BTRC: variants seen among roughly 807,000 people sequenced by gnomAD.
The protein encoded by BTRC is F-box/WD repeat-containing protein 1A.
Under a neutral mutation model 85.5 loss-of-function variants are expected in BTRC, and 42 were observed. That is an observed-to-expected ratio of 0.49 (90% CI 0.38 to 0.64). The LOEUF is 0.64. Ranked by LOEUF, BTRC falls within the 30% of genes least tolerant of loss-of-function variation. The pLI is 0.00. For synonymous variants in BTRC, 255 were observed against 263.3 expected (o/e 0.97, Z 0.30); for missense variants, 594 against 743.5 (o/e 0.80, Z 2.34).
At chr10:101,465,074 A>G (rs1437969657) in intron 3 of BTRC, among the ~76,000 whole-genome samples, 1 of 152,186 alleles carries the variant, frequency 6.6e-6, no homozygotes, top group African/African-American at 2.4e-5. Context: ...TATGACAATA[A>G]TGAAGTGCCA....
chr10:101,472,460 C>A (rs1945558202), intron 3 of BTRC, among the ~76,000 whole-genome samples: 1 of 152,008 alleles, frequency 6.6e-6, no homozygotes, highest in African/African-American at 2.4e-5. Flanking sequence ...ATGAGCCACC[C>A]CACCCCTTTC....
At chr10:101,530,505 A>G (rs996797654) in intron 6 of BTRC, among the ~76,000 whole-genome samples, 1 of 152,170 alleles carries the variant, frequency 6.6e-6, no homozygotes, top group Admixed American at 6.5e-5. Flanking sequence ...GGAAAAAAAA[A>G]AAAACCTATA....
chr10:101,417,662 T>G (rs1408509496), intron 1 of BTRC, among the ~76,000 whole-genome samples: 2 of 152,176 alleles, frequency 1.3e-5, no homozygotes, highest in African/African-American at 4.8e-5. Flanking sequence ...TTATCAAACT[T>G]ACAGTTTATA....
chr10:101,540,642 T>G (rs1052380251), intron 13 of BTRC, among the ~76,000 whole-genome samples: 2 of 152,164 alleles, frequency 1.3e-5, no homozygotes, highest in Non-Finnish European at 2.9e-5. Context: ...ACCAAAAAAG[T>G]CTGCTGGGAA....
chr10:101,362,147 G>A (rs1304843352), intron 1 of BTRC, among the ~76,000 whole-genome samples: 1 of 151,608 alleles, frequency 6.6e-6, no homozygotes, highest in South Asian at 2.1e-4. Flanking sequence ...TTTTAGTAGG[G>A]ATGGGGTTTC....
intron 5 of BTRC, among the ~76,000 whole-genome samples, chr10:101,524,038 C>G (rs138671088): frequency 1.3e-5 from 2 of 152,128 alleles, no homozygotes; most frequent in Non-Finnish European, 2.9e-5. Flanking sequence ...TATACCAGCT[C>G]ATAGCCTCCC....
intron 1 of BTRC, among the ~76,000 whole-genome samples, chr10:101,374,503 ATCATCAT>A (rs1942733303): frequency 6.7e-6 from 1 of 149,626 alleles, no homozygotes; most frequent in Admixed American, 6.7e-5. Flanking sequence ...GAAATTGGAA[ATCATCAT>A]TCTCAGTAAA....
intron 1 of BTRC, among the ~76,000 whole-genome samples, chr10:101,359,327 T>A (rs1243535514): frequency 6.6e-6 from 1 of 152,244 alleles, no homozygotes; most frequent in Non-Finnish European, 1.5e-5. Flanking sequence ...GTGTATACTT[T>A]ACCTATTCCC....
intron 3 of BTRC, among the ~76,000 whole-genome samples, chr10:101,468,375 C>T (rs1485249484): frequency 1.3e-5 from 2 of 150,678 alleles, no homozygotes; most frequent in Admixed American, 1.3e-4. Context: ...AGTGCTTACT[C>T]TGGATGTACC....
At chr10:101,379,948 G>C (rs1193118015) in intron 1 of BTRC, among the ~76,000 whole-genome samples, 3 of 152,064 alleles carry the variant, frequency 2.0e-5, no homozygotes, top group Non-Finnish European at 2.9e-5. Flanking sequence ...TGTTTTCAAA[G>C]GTATTTAAGA....
chr10:101,373,348 A>G (rs1590214988), intron 1 of BTRC, among the ~76,000 whole-genome samples: 2 of 152,332 alleles, frequency 1.3e-5, no homozygotes, highest in East Asian at 3.9e-4. Context: ...TAGTCTACGC[A>G]AGAGACTGGG....
chr10:101,555,250 A>G lies in BTRC; in HGVS notation c.*2127A>G, dbSNP rs2062710128. On this transcript the variant is annotated 3_prime_UTR_variant, in exon 15 of 15. Coordinates refer to ENST00000370187, the MANE Select transcript of BTRC (RefSeq NM_033637.4). The stretch of plus-strand genomic sequence containing the variant: ...TCGAGCTGTCTCAAAATATTGCCCA[A>G]TAGCCATAATTTTACCAGCCTTTCT... 1 of 152,682 alleles carries G rather than the reference A, an allele frequency of 6.5e-6. No individual in the cohort carries two copies. Among genetic ancestry groups the G allele is most frequent in the South Asian group, 2.1e-4 (1 of 4,832 alleles). The allele number at this position is 152,682 out of a possible 1,614,324, so 9.5% of individuals were successfully genotyped here.
chr10:101,542,366 T>C (rs888997716), intron 13 of BTRC, among the ~76,000 whole-genome samples: 4 of 152,180 alleles, frequency 2.6e-5, no homozygotes, highest in Admixed American at 2.0e-4. Flanking sequence ...GTTGAAGCTA[T>C]AAATGTTATT....
chr10:101,412,170 A>C (rs1343870078), intron 1 of BTRC, among the ~76,000 whole-genome samples: 1 of 152,232 alleles, frequency 6.6e-6, no homozygotes, highest in African/African-American at 2.4e-5. Context: ...TACAGGACTT[A>C]GTATTCAGGA....
intron 1 of BTRC, among the ~76,000 whole-genome samples, chr10:101,425,164 T>G (rs761628536): frequency 2.6e-5 from 4 of 152,208 alleles, no homozygotes; most frequent in Non-Finnish European, 5.9e-5. Context: ...TATTCCATGG[T>G]ATATGTGTAC....
intron 1 of BTRC, among the ~76,000 whole-genome samples, chr10:101,387,813 C>A (rs1355800997): frequency 6.6e-6 from 1 of 152,000 alleles, no homozygotes; most frequent in East Asian, 1.9e-4. Context: ...CCTCAGCCTC[C>A]TGAGTAGCTG....
Position 101,354,199 on chromosome 10 carries a change from G to C in BTRC, c.19G>C (p.Val7Leu), listed in dbSNP as rs1941960079. Residue 7 changes from valine to leucine, a missense_variant, in exon 1 of 15, where the codon GTG (valine) becomes CTG (leucine). Val to Leu is a conservative substitution (Grantham distance 32, BLOSUM62 1). Coordinates refer to ENST00000370187, the MANE Select transcript of BTRC (RefSeq NM_033637.4). Reference sequence around the variant, plus strand: ...GGCGATTATGGACCCGGCCGAGGCGGTGCTGCAAGAGAAGGCACTCAAGTT... The same window carrying C: ...GGCGATTATGGACCCGGCCGAGGCGCTGCTGCAAGAGAAGGCACTCAAGTT... MDPAEA[V>L]LQEKALKFMC... is the part of the protein sequence containing the mutation. 6.5e-7 allele frequency: 1 copy of C among 1,549,120 alleles called. No homozygotes were observed. Among genetic ancestry groups the C allele is most frequent in the African/African-American group, 1.4e-5 (1 of 72,958 alleles).
chr10:101,449,646 TA>T (rs1420396521), intron 2 of BTRC, among the ~76,000 whole-genome samples: 2 of 152,106 alleles, frequency 1.3e-5, no homozygotes, highest in African/African-American at 4.8e-5. Flanking sequence ...AGGTAAAAGG[TA>T]AGTTAAGCTA....
chr10:101,396,096 C>T (rs1943355222), intron 1 of BTRC, among the ~76,000 whole-genome samples: 1 of 151,692 alleles, frequency 6.6e-6, no homozygotes, highest in Non-Finnish European at 1.5e-5. Flanking sequence ...TAAAGATAAC[C>T]TTTGCATACA....
Sources: allele counts gnomAD v4.1 joint callset (sites outside exome capture counted in the v4.1 genomes callset), GRCh38; gene constraint gnomAD v4.1.1; transcripts MANE v1.5; gene names NCBI Gene and HGNC (gene_info 2026-07-23, HGNC 2026-07-21).